Variants in PPIG observed in about 807,000 individuals in gnomAD.
PPIG encodes peptidylprolyl isomerase G, also known as peptidyl-prolyl cis-trans isomerase G.
A neutral mutation model predicts 87.9 loss-of-function variants in PPIG; 26 were observed. The observed-to-expected ratio is 0.30, with a 90% CI of 0.22 to 0.41. The LOEUF (loss-of-function observed/expected upper bound fraction) is 0.41, where lower values mean the gene tolerates loss of function less well. PPIG is among the 10% of genes least tolerant of loss of function. The pLI is 1.00. For synonymous variants in PPIG, 308 were observed against 276.5 expected, an observed-to-expected ratio of 1.11 and a Z score of -1.13; for missense variants, 722 against 879.4, an observed-to-expected ratio of 0.82 and a Z score of 2.26.
chr2:169,592,693 GCCC>G (rs1684902777), intron 1 of PPIG, among the ~76,000 whole-genome samples: 1 of 151,958 alleles, frequency 6.6e-6, no homozygotes, highest in African/African-American at 2.4e-5. Flanking sequence ...TCCTCCCTTC[GCCC>G]CTCAAAGTGC....
intron 1 of PPIG, among the ~76,000 whole-genome samples, chr2:169,602,558 C>T (rs1307368376): frequency 1.3e-5 from 2 of 152,124 alleles, no homozygotes; most frequent in South Asian, 2.1e-4. Flanking sequence ...CTGATCCGCC[C>T]GCCTCAGCCC....
At chr2:169,599,313 T>A (rs1430355055) in intron 1 of PPIG, among the ~76,000 whole-genome samples, 1 of 152,210 alleles carries the variant, frequency 6.6e-6, no homozygotes, top group African/African-American at 2.4e-5. Context: ...TTTTAAGTAA[T>A]TCTTACTACT....
In PPIG at chr2:169,637,573, A is replaced by G. The variant is rs1264805963; in HGVS notation, c.*50A>G. Reference sequence around the variant, plus strand: ...TTCTGTTTCGGATTTTAAGTTTGAGAGACTTGCTAATGAATCTCCTTTATG... The same window carrying G: ...TTCTGTTTCGGATTTTAAGTTTGAGGGACTTGCTAATGAATCTCCTTTATG... On this transcript the variant is annotated 3_prime_UTR_variant, in exon 14 of 14. Transcript: ENST00000260970. 4 of 1,445,032 alleles carry G rather than the reference A, an allele frequency of 2.8e-6. No individual in the cohort carries two copies. Among genetic ancestry groups the G allele is most frequent in the Non-Finnish European group, 3.7e-6 (4 of 1,089,400 alleles). 89.5% of individuals were successfully genotyped at this position (1,445,032 alleles called of 1,614,324 possible). A position where few individuals can be genotyped will look rare whatever the true frequency, so the allele number is the denominator to read the frequency against.
At chr2:169,601,542 T>C (rs759047751) in intron 1 of PPIG, among the ~76,000 whole-genome samples, 1 of 152,186 alleles carries the variant, frequency 6.6e-6, no homozygotes, top group Non-Finnish European at 1.5e-5. Context: ...AATGGGCCTC[T>C]ATAAGAAGGT....
At chr2:169,610,161 C>G (rs1270955903) in intron 7 of PPIG, among the ~76,000 whole-genome samples, 1 of 152,120 alleles carries the variant, frequency 6.6e-6, no homozygotes, top group Non-Finnish European at 1.5e-5. Flanking sequence ...TCTGTCATTT[C>G]CCTATTCTGT....
chr2:169,605,558 T>G (rs2105488882), intron 4 of PPIG, among the ~76,000 whole-genome samples: 1 of 151,910 alleles, frequency 6.6e-6, no homozygotes, highest in East Asian at 1.9e-4. Context: ...CCCAGCAGTT[T>G]GGGAGGCCGA....
At chr2:169,615,681 T>A (rs147647925) in intron 9 of PPIG, among the ~76,000 whole-genome samples, 187 of 151,860 alleles carry the variant, frequency 1.2e-3, no homozygotes, top group African/African-American at 4.4e-3. Flanking sequence ...ACCACATTTT[T>A]AAAAAATCCG....
Position 169,614,696 on chromosome 2 carries a change from T to C in PPIG, c.519T>C (p.Ser173=), listed in dbSNP as rs745400108. The part of the protein sequence containing the change: ...SKPFAEVRIL[S]CGELIPKSKV... ...CGTTTGCGGAGGTACGGATACTCAGTTGTGGAGAGCTGATTCCCAAATCTA... is the reference window on the plus strand; with the variant it reads ...CGTTTGCGGAGGTACGGATACTCAGCTGTGGAGAGCTGATTCCCAAATCTA... Residue 173 remains serine (S), a synonymous_variant, in exon 9 of 14, where the codon AGT becomes AGC. Transcript: ENST00000260970. The C allele has an allele frequency of 6.2e-7, 1 of 1,605,856 alleles. No homozygotes were observed. Among genetic ancestry groups the C allele is most frequent in the Admixed American group, 1.7e-5 (1 of 57,948 alleles).
At chr2:169,621,396 C>T (rs958779264) in intron 9 of PPIG, among the ~76,000 whole-genome samples, 1 of 151,946 alleles carries the variant, frequency 6.6e-6, no homozygotes, top group Admixed American at 6.6e-5. Flanking sequence ...TAAATTATTG[C>T]AGATGTATGC....
rs1013671759 is a variant in PPIG, at chr2:169,631,488, CAG to C, written c.762-275_762-274del. 98 of 844,258 alleles carry C rather than the reference CAG, an allele frequency of 1.2e-4. No homozygotes were observed. In the Admixed American group the frequency reaches 3.6e-3, roughly 31 times the overall value. The allele number at this position is 844,258 out of a possible 1,614,324, so 52.3% of individuals were successfully genotyped here. Reference sequence around the variant, plus strand: ...ATGTTTTAAAGTATTTTAAATTTATCAGAGTGCATTGCTCACATAGTTTCATA... The same window carrying C: ...ATGTTTTAAAGTATTTTAAATTTATCAGTGCATTGCTCACATAGTTTCATA... On this transcript the variant is annotated intron_variant, in intron 10 of 13. Transcript: ENST00000260970.
intron 6 of PPIG, among the ~76,000 whole-genome samples, chr2:169,608,362 G>A (rs1231296077): frequency 1.3e-5 from 2 of 151,940 alleles, no homozygotes; most frequent in East Asian, 3.9e-4. Flanking sequence ...GGTGATGGGC[G>A]CCTGTAGTCC....
rs545237168 is a variant in PPIG, at chr2:169,636,530, G to A, written c.1272G>A (p.Lys424=). ...ESPNRKNEKE[K]KVKDHKSNSK... Reference sequence around the variant, plus strand: ...CAAACAGAAAAAATGAAAAGGAGAAGAAAGTTAAAGACCATAAATCTAACA... The same window carrying A: ...CAAACAGAAAAAATGAAAAGGAGAAAAAAGTTAAAGACCATAAATCTAACA... The change falls in exon 14 of 14, where the codon AAG becomes AAA. Residue 424 remains lysine, a synonymous_variant. Transcript: ENST00000260970. 5.6e-6 allele frequency: 9 copies of A among 1,609,538 alleles called. No individual in the cohort carries two copies. In the African/African-American group the frequency reaches 9.4e-5, roughly 17 times the overall value.
At chr2:169,607,286 T>G in intron 6 of PPIG, 138 bp downstream of exon 6, 1 of 529,886 alleles carries the variant, frequency 1.9e-6, no homozygotes, top group South Asian at 3.4e-5. Context: ...AGGTTAATTT[T>G]CTGGTAAAAA....
rs115756014 is a variant in PPIG at position 169,602,763 on chromosome 2, A to C, written c.-69-879A>C. ...ATAGTAAGACAGTTTTAGGCAGGGGAAGGATATGATAAGGTTTGTGTTTTA... is the reference window on the plus strand; with the variant it reads ...ATAGTAAGACAGTTTTAGGCAGGGGCAGGATATGATAAGGTTTGTGTTTTA... On this transcript the variant is annotated intron_variant, in intron 1 of 13. Coordinates refer to ENST00000260970, the MANE Select transcript of PPIG (RefSeq NM_004792.3). Among the ~76,000 whole-genome samples the C allele has an allele frequency of 3.7e-3, 571 of 152,286 alleles. 3 individuals are homozygous for C. The highest frequency in any genetic ancestry group is 0.013 in the African/African-American group (523 of 41,554).
In PPIG at chr2:169,624,939, G is replaced by A. The variant is rs142464352; in HGVS notation, c.548-5835G>A. Among the ~76,000 whole-genome samples, 1,074 of 152,068 alleles carry A rather than the reference G, an allele frequency of 7.1e-3. 6 individuals are homozygous for A. The highest frequency in any genetic ancestry group is 0.023 in the African/African-American group (962 of 41,458). On this transcript the variant is annotated intron_variant, in intron 9 of 13. Transcript: ENST00000260970. ...GCTGAAAACAACTGTTGCCGTATTC[G>A]GAATTTAAAATTTTAATTTGAAAAT...
At chr2:169,587,503 G>A (rs186130081) in intron 1 of PPIG, among the ~76,000 whole-genome samples, 65 of 152,278 alleles carry the variant, frequency 4.3e-4, no homozygotes, top group African/African-American at 1.5e-3. Context: ...GCCTCCCAAA[G>A]TGCTAGTATT....
rs151324499 is a variant in PPIG at position 169,628,114 on chromosome 2, G to A, written c.548-2660G>A. Among the ~76,000 whole-genome samples the A allele has an allele frequency of 1.3e-4, 20 of 152,170 alleles. No homozygotes were observed. In the East Asian group the frequency reaches 2.7e-3, roughly 21 times the overall value. On this transcript the variant is annotated intron_variant, in intron 9 of 13. Coordinates refer to ENST00000260970, the MANE Select transcript of PPIG (RefSeq NM_004792.3). ...TGGATTCAGGTTAACAGTTGGGCTC[G>A]TGAGACAAAATTAGCTTCACCAGGC...
chr2:169,620,152 T>C (rs13000586), intron 9 of PPIG, among the ~76,000 whole-genome samples: 21,778 of 152,180 alleles, frequency 0.14, 1,672 homozygotes, highest in Non-Finnish European at 0.18. Context: ...AGAAAAATCA[T>C]TGCCCAAACC....
intron 9 of PPIG, among the ~76,000 whole-genome samples, chr2:169,626,535 A>G (rs10185006): frequency 0.6 from 90,473 of 151,588 alleles, 27,630 homozygotes; most frequent in African/African-American, 0.73. Flanking sequence ...GGGATTACAG[A>G]TACCCTCTAC....
Sources: allele counts gnomAD v4.1 joint callset (sites outside exome capture counted in the v4.1 genomes callset), GRCh38; gene constraint gnomAD v4.1.1; transcripts MANE v1.5; gene names NCBI Gene and HGNC (gene_info 2026-07-23, HGNC 2026-07-21).